The following HS3ST3A1 variants were observed in gnomAD, a reference collection of about 807,000 sequenced individuals.
HS3ST3A1 encodes the protein heparan sulfate glucosamine 3-O-sulfotransferase 3A1.
A neutral mutation model predicts 25.7 loss-of-function variants in HS3ST3A1; 19 were observed. The observed-to-expected ratio is 0.74, with a 90% CI of 0.52 to 1.08. The LOEUF is 1.08. Ranked by LOEUF, HS3ST3A1 falls within the 50% of genes least tolerant of loss-of-function variation. The pLI is 0.00. For synonymous variants in HS3ST3A1, 226 were observed against 278.6 expected, an observed-to-expected ratio of 0.81 and a Z score of 1.88; for missense variants, 459 against 594.3, an observed-to-expected ratio of 0.77 and a Z score of 2.37.
At position 13,601,214 on chromosome 17, in the gene HS3ST3A1, A is replaced by G; in HGVS notation, c.-85T>C. The stretch of plus-strand genomic sequence containing the variant: ...TGCCAGAGCATCCCCCCGGCGGGCC[A>G]GCGCGCTGGACGGAGGCCACATCGC... On this transcript the variant is annotated 5_prime_UTR_variant, in exon 1 of 2. Transcript: ENST00000284110. 9.3e-7 allele frequency: 1 copy of G among 1,079,352 alleles called. No homozygotes were observed. The highest frequency in any genetic ancestry group is 3.1e-4 in the Middle Eastern group (1 of 3,212). The allele number at this position is 1,079,352 out of a possible 1,614,324, so 66.9% of individuals were successfully genotyped here. A position where few individuals can be genotyped will look rare whatever the true frequency, so the allele number is the denominator to read the frequency against.
intron 1 of HS3ST3A1, among the ~76,000 whole-genome samples, chr17:13,587,732 GA>G (rs879342545): frequency 1.2e-3 from 176 of 151,612 alleles, no homozygotes; most frequent in Non-Finnish European, 2.1e-3. Context: ...GATTAAGCTT[GA>G]AAAAAAAGAC....
chr17:13,597,139 T>A, intron 1 of HS3ST3A1, among the ~76,000 whole-genome samples: 1 of 152,202 alleles, frequency 6.6e-6, no homozygotes, highest in South Asian at 2.1e-4. Context: ...AGAGACTGGA[T>A]AATAAATATT....
At chr17:13,530,090 G>T (rs1906559280) in intron 1 of HS3ST3A1, among the ~76,000 whole-genome samples, 1 of 151,912 alleles carries the variant, frequency 6.6e-6, no homozygotes, top group Non-Finnish European at 1.5e-5. Context: ...AAGACCAGGG[G>T]CTTGATCTCA....
chr17:13,552,132 T>G (rs376884529), intron 1 of HS3ST3A1, among the ~76,000 whole-genome samples: 1 of 152,284 alleles, frequency 6.6e-6, no homozygotes, highest in African/African-American at 2.4e-5. Flanking sequence ...CAGGCTGGAG[T>G]GCAGTGGCAC....
intron 1 of HS3ST3A1, among the ~76,000 whole-genome samples, chr17:13,580,271 T>G (rs1908076411): frequency 6.6e-6 from 1 of 151,928 alleles, no homozygotes; most frequent in Non-Finnish European, 1.5e-5. Context: ...TAAATAACAA[T>G]GGTAACACAG....
intron 1 of HS3ST3A1, among the ~76,000 whole-genome samples, chr17:13,505,354 T>G (rs888961273): frequency 6.6e-6 from 1 of 152,214 alleles, no homozygotes; most frequent in Non-Finnish European, 1.5e-5. Context: ...CGAAGAAATT[T>G]GTCTGCTTGA....
intron 1 of HS3ST3A1, among the ~76,000 whole-genome samples, chr17:13,575,416 T>C (rs1799987627): frequency 6.6e-6 from 1 of 152,196 alleles, no homozygotes; most frequent in South Asian, 2.1e-4. Flanking sequence ...AGGGGTATGC[T>C]TTGAAGAAGA....
intron 1 of HS3ST3A1, among the ~76,000 whole-genome samples, chr17:13,532,345 G>C (rs1906629030): frequency 6.6e-6 from 1 of 152,150 alleles, no homozygotes; most frequent in Non-Finnish European, 1.5e-5. Context: ...GTTAGCAATG[G>C]TGCCAGGAAG....
chr17:13,497,485 T>A (rs1463006354), intron 1 of HS3ST3A1, among the ~76,000 whole-genome samples: 2 of 152,218 alleles, frequency 1.3e-5, no homozygotes, highest in East Asian at 3.8e-4. Context: ...CAAAGTAAAT[T>A]CTGACTTTCT....
intron 1 of HS3ST3A1, among the ~76,000 whole-genome samples, chr17:13,548,910 A>T (rs1598423059): frequency 6.6e-6 from 1 of 152,186 alleles, no homozygotes; most frequent in East Asian, 1.9e-4. Context: ...TGTAAAATGG[A>T]CCAATCAGTG....
chr17:13,600,494 G>C (rs1009926960), intron 1 of HS3ST3A1, 37 bp downstream of exon 1: 41 of 1,542,168 alleles, frequency 2.7e-5, no homozygotes, highest in Non-Finnish European at 3.4e-5. Context: ...CAGGACCCCC[G>C]GATCCTTCAG....
Position 13,503,623 on chromosome 17 carries a change from G to A in HS3ST3A1, c.600-6805C>T, listed in dbSNP as rs572801082. On this transcript the variant is annotated intron_variant, in intron 1 of 1. Transcript: ENST00000284110. ...AAGTAATCAATAAACACACGAGAAG[G>A]CACTGAACTTCATCGGTCATCAGGA... Among the ~76,000 whole-genome samples the A allele has an allele frequency of 2.3e-4, 35 of 152,244 alleles. 1 individual carries two copies. The South Asian group carries it at 7.3e-3, about 32-fold the overall frequency.
intron 1 of HS3ST3A1, among the ~76,000 whole-genome samples, chr17:13,550,737 A>AAC: frequency 7.0e-6 from 1 of 143,106 alleles, no homozygotes; most frequent in South Asian, 2.2e-4. Flanking sequence ...ACAACAACAA[A>AAC]ACAGATATAA....
At chr17:13,571,550 C>T (rs1907812411) in intron 1 of HS3ST3A1, among the ~76,000 whole-genome samples, 2 of 152,132 alleles carry the variant, frequency 1.3e-5, no homozygotes, top group African/African-American at 4.8e-5. Context: ...TACAGCAAGC[C>T]TCTGATGTCT....
chr17:13,548,235 T>C (rs182143185), intron 1 of HS3ST3A1, among the ~76,000 whole-genome samples: 68 of 152,304 alleles, frequency 4.5e-4, no homozygotes, highest in Non-Finnish European at 6.8e-4. Context: ...GATCAAGGTG[T>C]AGGCAGATTC....
intron 1 of HS3ST3A1, among the ~76,000 whole-genome samples, chr17:13,541,364 T>G (rs16948063): frequency 0.015 from 2,343 of 152,292 alleles, 59 homozygotes; most frequent in African/African-American, 0.054. Context: ...TAGCCACAGC[T>G]CAAAAGGTTA....
intron 1 of HS3ST3A1, among the ~76,000 whole-genome samples, chr17:13,581,337 C>T (rs1025882520): frequency 4.6e-5 from 7 of 151,766 alleles, no homozygotes; most frequent in East Asian, 1.9e-4. Flanking sequence ...TGTGGTGGCA[C>T]GCACCTGTAG....
chr17:13,559,946 T>C (rs1907483152), intron 1 of HS3ST3A1, among the ~76,000 whole-genome samples: 1 of 152,054 alleles, frequency 6.6e-6, no homozygotes, highest in African/African-American at 2.4e-5. Context: ...TCTTTGATCC[T>C]CTAAATTTAT....
At chr17:13,510,129 AGCCTGG>A (rs1760351094) in intron 1 of HS3ST3A1, among the ~76,000 whole-genome samples, 1 of 152,190 alleles carries the variant, frequency 6.6e-6, no homozygotes, top group African/African-American at 2.4e-5. Context: ...AAGTGGGGAG[AGCCTGG>A]GCCAAGGGCA....
Sources: allele counts gnomAD v4.1 joint callset (sites outside exome capture counted in the v4.1 genomes callset), GRCh38; gene constraint gnomAD v4.1.1; transcripts MANE v1.5; gene names NCBI Gene and HGNC (gene_info 2026-07-23, HGNC 2026-07-21).